The following ATRN variants were observed in gnomAD, a reference collection of about 807,000 sequenced individuals.
The protein encoded by ATRN is attractin.
In ATRN, 54 loss-of-function variants were observed where a neutral mutation model predicts 178.7. That is an observed-to-expected ratio of 0.30 (90% CI 0.24 to 0.38). The LOEUF (loss-of-function observed/expected upper bound fraction) is 0.38, where lower values mean the gene tolerates loss of function less well. Ranked by LOEUF, ATRN falls within the 10% of genes least tolerant of loss-of-function variation. The probability of loss-of-function intolerance (pLI) is 1.00; values close to 1 mark genes in which losing one functional copy is unlikely to be tolerated. For missense variants in ATRN, 1,443 were observed against 1,815.1 expected, an observed-to-expected ratio of 0.79 and a Z score of 3.73; for synonymous variants, 636 against 663.0, an observed-to-expected ratio of 0.96 and a Z score of 0.63.
chr20:3,633,661 C>T (rs902980762), intron 25 of ATRN, among the ~76,000 whole-genome samples: 17 of 152,190 alleles, frequency 1.1e-4, no homozygotes, highest in African/African-American at 3.9e-4. Flanking sequence ...TTTGCCATCA[C>T]TGTAGCTTTT....
At chr20:3,614,819 A>C (rs778369247) in intron 24 of ATRN, among the ~76,000 whole-genome samples, 16 of 151,652 alleles carry the variant, frequency 1.1e-4, no homozygotes, top group Non-Finnish European at 1.9e-4. Flanking sequence ...GGCAACCCCC[A>C]GTCTGTATTT....
intron 1 of ATRN, chr20:3,489,963 TCTC>T: frequency 1.9e-6 from 2 of 1,031,314 alleles, no homozygotes; most frequent in South Asian, 1.3e-5. Context: ...TTCTTGCTCT[TCTC>T]CTGTCCTTGC....
rs1369619803 is a variant in ATRN, at chr20:3,632,059, TGCCCA to T, written c.3864-2245_3864-2241del. On this transcript the variant is annotated intron_variant, in intron 25 of 28. Transcript: ENST00000262919. The surrounding 1 kb of genome is among the most constrained non-coding windows in gnomAD (Gnocchi z 4.2). ...ATATCCTTATGCCTTCCAAATGCCA[TGCCCA>T]GCCCAGACCTGGCAGCCAGCCTCCA... 6.6e-6 allele frequency among the ~76,000 whole-genome samples: 1 copy of T among 152,174 alleles called. No individual in the cohort carries two copies. Among genetic ancestry groups the T allele is most frequent in the Non-Finnish European group, 1.5e-5 (1 of 68,022 alleles).
At chr20:3,518,969 A>G (rs939326488) in intron 1 of ATRN, among the ~76,000 whole-genome samples, 2 of 147,752 alleles carry the variant, frequency 1.4e-5, no homozygotes, top group Non-Finnish European at 3.0e-5. Flanking sequence ...CTAACTTTCC[A>G]ACTGATAAAT....
At chr20:3,521,062 A>G (rs1289830554) in intron 1 of ATRN, among the ~76,000 whole-genome samples, 1 of 152,206 alleles carries the variant, frequency 6.6e-6, no homozygotes, top group African/African-American at 2.4e-5. Context: ...ACATGTGGAC[A>G]CAAAGATGGG....
intron 1 of ATRN, among the ~76,000 whole-genome samples, chr20:3,526,489 T>C (rs1380821312): frequency 6.6e-6 from 1 of 152,058 alleles, no homozygotes; most frequent in Non-Finnish European, 1.5e-5. Flanking sequence ...AGAGTCAATA[T>C]AGTGAAAATG....
At chr20:3,533,913 C>T (rs1200983935) in intron 1 of ATRN, among the ~76,000 whole-genome samples, 1 of 152,190 alleles carries the variant, frequency 6.6e-6, no homozygotes, top group African/African-American at 2.4e-5. Context: ...CTGCCTCAGC[C>T]TCCAAACTGC....
intron 1 of ATRN, 75 bp downstream of exon 1, chr20:3,471,592 G>T (rs1451656686): frequency 1.5e-6 from 2 of 1,353,774 alleles, no homozygotes; most frequent in East Asian, 6.1e-5. Flanking sequence ...ACGGCTCCAG[G>T]TCAGAGGGAG....
chr20:3,479,326 G>A (rs2084583972), intron 1 of ATRN, among the ~76,000 whole-genome samples: 2 of 152,168 alleles, frequency 1.3e-5, no homozygotes, highest in South Asian at 4.1e-4. Flanking sequence ...TCCCCTAAGA[G>A]AAGTTATAAC....
intron 1 of ATRN, among the ~76,000 whole-genome samples, chr20:3,497,998 A>G (rs2084904958): frequency 6.6e-6 from 1 of 152,194 alleles, no homozygotes. Flanking sequence ...CATAAAGGGG[A>G]TATCACCACC....
Position 3,596,441 on chromosome 20 carries a change from T to C in ATRN, c.3469+12T>C. On this transcript the variant is annotated intron_variant, in intron 21 of 28. Coordinates refer to ENST00000262919, the MANE Select transcript of ATRN (RefSeq NM_139321.3). The stretch of plus-strand genomic sequence containing the variant: ...AGGAACATGTTATTGTAAGTGGTTT[T>C]GCAATTCTTATTTCTAGAAGCAAAG... The C allele has an allele frequency of 6.2e-7, 1 of 1,610,684 alleles. No individual in the cohort carries two copies. Among genetic ancestry groups the C allele is most frequent in the Non-Finnish European group, 8.5e-7 (1 of 1,177,002 alleles).
At chr20:3,525,852 T>C (rs999746179) in intron 1 of ATRN, among the ~76,000 whole-genome samples, 3 of 152,070 alleles carry the variant, frequency 2.0e-5, no homozygotes, top group African/African-American at 4.8e-5. Flanking sequence ...ATTCAACAGC[T>C]CTTCATGCTA....
chr20:3,625,310 C>G (rs911424686), intron 25 of ATRN, among the ~76,000 whole-genome samples: 12 of 152,158 alleles, frequency 7.9e-5, no homozygotes, highest in African/African-American at 2.4e-4. Context: ...CATACAAAAG[C>G]CCCATCTCTT....
intron 1 of ATRN, among the ~76,000 whole-genome samples, chr20:3,508,026 C>T (rs1031141603): frequency 4.6e-5 from 7 of 151,750 alleles, no homozygotes; most frequent in Non-Finnish European, 8.8e-5. Flanking sequence ...TTAAAGCAAC[C>T]AGTGGATTGA....
At chr20:3,592,076 A>G (rs752592352) in intron 19 of ATRN, among the ~76,000 whole-genome samples, 10 of 152,206 alleles carry the variant, frequency 6.6e-5, no homozygotes, top group Non-Finnish European at 1.5e-4. Flanking sequence ...CAGACTCCTC[A>G]ATACTTATAG....
chr20:3,608,013 CT>C (rs1340767330), intron 24 of ATRN, among the ~76,000 whole-genome samples: 1 of 152,014 alleles, frequency 6.6e-6, no homozygotes, highest in Non-Finnish European at 1.5e-5. Flanking sequence ...ATTTGTATGT[CT>C]TCTTTGGACA....
intron 28 of ATRN, 78 bp from the exon 29 acceptor site, chr20:3,646,645 T>C (rs1245123119): frequency 2.0e-6 from 3 of 1,465,792 alleles, no homozygotes; most frequent in African/African-American, 1.4e-5. Context: ...GATTGAAAAA[T>C]AAATGTTTAA....
chr20:3,588,445 G>A (rs1236324501), intron 18 of ATRN, among the ~76,000 whole-genome samples: 2 of 152,050 alleles, frequency 1.3e-5, no homozygotes, highest in African/African-American at 2.4e-5. Flanking sequence ...AGATGATCAC[G>A]AAGTTTTGTT....
chr20:3,624,882 A>C lies in ATRN; in HGVS notation c.3863+310A>C, dbSNP rs192627367. Among the ~76,000 whole-genome samples the C allele has an allele frequency of 3.3e-4, 51 of 152,324 alleles. No individual in the cohort carries two copies. The Middle Eastern group carries it at 0.02, about 61-fold the overall frequency. ...TCATATGGGGAGAATTTGGGACTAAAACAACATTTAATTAATAATGGTTAC... is the reference window on the plus strand; with the variant it reads ...TCATATGGGGAGAATTTGGGACTAACACAACATTTAATTAATAATGGTTAC... On this transcript the variant is annotated intron_variant, in intron 25 of 28. Transcript: ENST00000262919.
Sources: gnomAD v4.1 joint callset for allele counts (sites outside exome capture counted in the v4.1 genomes callset) on GRCh38, gnomAD v4.1.1 for gene constraint, Gnocchi (gnomAD v3.1) non-coding constraint, MANE v1.5 for transcripts, NCBI Gene and HGNC (gene_info 2026-07-23, HGNC 2026-07-21) for gene names.